BMPR1A: variants seen among roughly 807,000 people sequenced by gnomAD.
BMPR1A encodes the protein bone morphogenetic protein receptor type 1A.
BMPR1A carries 7 observed loss-of-function variants against 66.0 expected under a neutral mutation model. The observed-to-expected ratio is 0.11, with a 90% CI of 0.06 to 0.20. The LOEUF (loss-of-function observed/expected upper bound fraction) is 0.20, where lower values mean the gene tolerates loss of function less well. BMPR1A is among the 10% of genes least tolerant of loss of function. The pLI, the probability that BMPR1A is intolerant of heterozygous loss-of-function variation, is 1.00. For synonymous variants in BMPR1A, 200 were observed against 229.7 expected (o/e 0.87, Z 1.17); for missense variants, 408 against 669.1 (o/e 0.61, Z 4.31).
intron 1 of BMPR1A, among the ~76,000 whole-genome samples, chr10:86,835,261 A>C (rs1842324727): frequency 6.6e-6 from 1 of 150,530 alleles, no homozygotes; most frequent in Non-Finnish European, 1.5e-5. Context: ...AAAAAAAAAA[A>C]AACAGAAAAA....
At chr10:86,866,221 CT>C (rs567037609) in intron 2 of BMPR1A, among the ~76,000 whole-genome samples, 11,235 of 123,932 alleles carry the variant, frequency 0.091, 566 homozygotes, top group African/African-American at 0.18. Context: ...GAAGAGGGAG[CT>C]TTTTTTTTTT....
chr10:86,769,936 C>G (rs1353429130), intron 1 of BMPR1A, among the ~76,000 whole-genome samples: 1 of 152,128 alleles, frequency 6.6e-6, no homozygotes, highest in Non-Finnish European at 1.5e-5. Context: ...GCAGATGTAA[C>G]CAGGCACCAG....
rs1843764497 is a variant in BMPR1A, at chr10:86,927,812, A to T, written c.*4093A>T. On this transcript the variant is annotated 3_prime_UTR_variant, in exon 13 of 13. Coordinates refer to ENST00000372037, the MANE Select transcript of BMPR1A (RefSeq NM_004329.3). Reference sequence around the variant, plus strand: ...TTTTATCAGGCAGTTGTAAAACACCAAAAATATAGATTCGTCTTTGACGTG... The same window carrying T: ...TTTTATCAGGCAGTTGTAAAACACCTAAAATATAGATTCGTCTTTGACGTG... The T allele has an allele frequency of 5.0e-6, 1 of 198,640 alleles. No homozygotes were observed. The highest frequency in any genetic ancestry group is 1.0e-5 in the Non-Finnish European group (1 of 96,344). The allele number at this position is 198,640 out of a possible 1,614,324, so 12.3% of individuals were successfully genotyped here.
chr10:86,898,453 T>C (rs897838673), intron 5 of BMPR1A, among the ~76,000 whole-genome samples: 1 of 152,194 alleles, frequency 6.6e-6, no homozygotes, highest in African/African-American at 2.4e-5. Flanking sequence ...TAGGAACTCA[T>C]AAGGAATACA....
At chr10:86,849,695 T>C (rs1431479290) in intron 2 of BMPR1A, among the ~76,000 whole-genome samples, 1 of 152,244 alleles carries the variant, frequency 6.6e-6, no homozygotes, top group African/African-American at 2.4e-5. Context: ...GGCTACTTTA[T>C]TGAGTAACAT....
At chr10:86,821,170 T>G (rs910648022) in intron 1 of BMPR1A, among the ~76,000 whole-genome samples, 1 of 152,236 alleles carries the variant, frequency 6.6e-6, no homozygotes, top group African/African-American at 2.4e-5. Flanking sequence ...AGTGGCGGTG[T>G]TGAGACTGCC....
chr10:86,866,408 T>TTTC (rs1416653210), intron 2 of BMPR1A, among the ~76,000 whole-genome samples: 8,355 of 110,234 alleles, frequency 0.076, 857 homozygotes, highest in African/African-American at 0.12. Flanking sequence ...TCTTTTTTTT[T>TTTC]TTTTTTTTTT....
intron 1 of BMPR1A, among the ~76,000 whole-genome samples, chr10:86,805,559 T>C (rs907066009): frequency 2.0e-5 from 3 of 147,966 alleles, no homozygotes; most frequent in Non-Finnish European, 3.0e-5. Flanking sequence ...CCTCCCCAGT[T>C]CAAGCAATTC....
chr10:86,856,645 A>C (rs192526918), intron 2 of BMPR1A, among the ~76,000 whole-genome samples: 1 of 152,314 alleles, frequency 6.6e-6, no homozygotes, highest in East Asian at 1.9e-4. Context: ...ATTATGTTTA[A>C]ATATTTTATA....
intron 4 of BMPR1A, among the ~76,000 whole-genome samples, chr10:86,891,670 T>G (rs1292002813): frequency 2.6e-5 from 4 of 152,236 alleles, no homozygotes; most frequent in East Asian, 3.8e-4. Flanking sequence ...CCCTTTTTTT[T>G]GGTCATTAAG....
At chr10:86,813,861 G>T (rs1842001867) in intron 1 of BMPR1A, among the ~76,000 whole-genome samples, 1 of 152,100 alleles carries the variant, frequency 6.6e-6, no homozygotes, top group South Asian at 2.1e-4. Flanking sequence ...CTCTAGAAGG[G>T]CTTATGGGAA....
chr10:86,876,200 C>G, intron 3 of BMPR1A, 115 bp downstream of exon 3: 1 of 982,056 alleles, frequency 1.0e-6, no homozygotes, highest in Non-Finnish European at 1.6e-6. Context: ...ACTAGGGCAG[C>G]TTTTAGGAAA....
At chr10:86,780,056 C>T (rs1267146680) in intron 1 of BMPR1A, among the ~76,000 whole-genome samples, 1 of 152,098 alleles carries the variant, frequency 6.6e-6, no homozygotes, top group African/African-American at 2.4e-5. Context: ...AGGCATGAGC[C>T]CCTGGTAATA....
chr10:86,767,442 G>GC (rs1370634415), intron 1 of BMPR1A, among the ~76,000 whole-genome samples: 8 of 151,874 alleles, frequency 5.3e-5, no homozygotes, highest in Non-Finnish European at 8.8e-5. Flanking sequence ...ACTTTGGGTG[G>GC]CGGAGGCAGG....
At chr10:86,772,067 C>G (rs551703276) in intron 1 of BMPR1A, among the ~76,000 whole-genome samples, 1 of 142,292 alleles carries the variant, frequency 7.0e-6, no homozygotes, top group African/African-American at 2.6e-5. Context: ...AAAATTAGTG[C>G]TTTTTTTTTT....
intron 7 of BMPR1A, among the ~76,000 whole-genome samples, chr10:86,908,934 G>A (rs1843436891): frequency 6.6e-6 from 1 of 152,158 alleles, no homozygotes; most frequent in Admixed American, 6.5e-5. Context: ...AGAGCACAGG[G>A]AGCATTTCCT....
At chr10:86,884,529 T>G (rs1279596493) in intron 3 of BMPR1A, among the ~76,000 whole-genome samples, 1 of 148,162 alleles carries the variant, frequency 6.7e-6, no homozygotes, top group African/African-American at 2.5e-5. Flanking sequence ...TTCCTTTGTC[T>G]CAGCCTCCTG....
In BMPR1A at chr10:86,805,208, A is replaced by G. The variant is rs1841872185; in HGVS notation, c.-267-33657A>G. ...TGAGGTACTGGTGGTTAGAACTTGA[A>G]TATATGAATTTAATTCATTTTTATT... On this transcript the variant is annotated intron_variant, in intron 1 of 12. Transcript: ENST00000372037. 2.6e-5 allele frequency among the ~76,000 whole-genome samples: 4 copies of G among 152,298 alleles called. No individual in the cohort carries two copies. The South Asian group carries it at 8.3e-4, about 32-fold the overall frequency.
chr10:86,904,461 A>G (rs986121720), intron 7 of BMPR1A, among the ~76,000 whole-genome samples: 5 of 152,220 alleles, frequency 3.3e-5, no homozygotes, highest in East Asian at 1.9e-4. Flanking sequence ...AAAGTGCCCA[A>G]AGAAAAACAT....
Sources: allele counts gnomAD v4.1 joint callset (sites outside exome capture counted in the v4.1 genomes callset), GRCh38; gene constraint gnomAD v4.1.1; transcripts MANE v1.5; gene names NCBI Gene and HGNC (gene_info 2026-07-23, HGNC 2026-07-21).